The following FANCA variants were observed in gnomAD, a reference collection of about 807,000 sequenced individuals.
FANCA encodes the protein Fanconi anemia group A protein.
Under a neutral mutation model 194.3 loss-of-function variants are expected in FANCA, and 236 were observed. The observed-to-expected ratio is 1.21, with a 90% CI of 1.09 to 1.35. The LOEUF (loss-of-function observed/expected upper bound fraction) is 1.35, where lower values mean the gene tolerates loss of function less well. Among genes scored for constraint, FANCA ranks in the 40% most tolerant of loss-of-function variants. The pLI is 0.00. For missense variants in FANCA, 2,628 were observed against 1,813.9 expected, an observed-to-expected ratio of 1.45 and a Z score of -8.15; for synonymous variants, 1,014 against 715.8, an observed-to-expected ratio of 1.42 and a Z score of -6.65.
chr16:89,750,891 T>TTTG (rs140776520), intron 31 of FANCA, among the ~76,000 whole-genome samples: 36 of 151,954 alleles, frequency 2.4e-4, no homozygotes, highest in Non-Finnish European at 4.0e-4. Context: ...TCACAAGTCT[T>TTTG]TTGTTGTTGT....
At position 89,752,208 on chromosome 16, in the gene FANCA, T is replaced by C. The variant is rs2143164062; in HGVS notation, c.2996A>G (p.Asp999Gly). The C allele has an allele frequency of 6.2e-7, 1 of 1,613,744 alleles. No homozygotes were observed. Among genetic ancestry groups the C allele is most frequent in the Admixed American group, 1.7e-5 (1 of 60,012 alleles). Reference sequence around the variant, plus strand: ...GACCAAATCAGAATTTTCTGAGTGGTCATAACTCCTTGAGCTGAAATGAAA... The same window carrying C: ...GACCAAATCAGAATTTTCTGAGTGGCCATAACTCCTTGAGCTGAAATGAAA... ...MDFHQSSRSY[D>G]HSENSDLVFG... The change falls in exon 31 of 43, where the codon GAC (aspartate) becomes GGC (glycine). Residue 999 changes from aspartate (D) to glycine (G), a missense_variant. By Grantham distance (94) the Asp-to-Gly change is moderately conservative. Coordinates refer to ENST00000389301, the MANE Select transcript of FANCA (RefSeq NM_000135.4).
intron 27 of FANCA, 103 bp downstream of exon 27, chr16:89,767,038 G>T: frequency 1.1e-6 from 1 of 941,256 alleles, no homozygotes; most frequent in Non-Finnish European, 1.7e-6. Context: ...AGCTGCCCCT[G>T]AGATGGGCAC....
At chr16:89,777,329 C>T (rs2039543835) in intron 20 of FANCA, among the ~76,000 whole-genome samples, 1 of 152,134 alleles carries the variant, frequency 6.6e-6, no homozygotes, top group Non-Finnish European at 1.5e-5. Flanking sequence ...CTGTAGTAAG[C>T]CATGACTGCA....
At chr16:89,741,910 C>T (rs1567597304) in intron 37 of FANCA, among the ~76,000 whole-genome samples, 1 of 152,248 alleles carries the variant, frequency 6.6e-6, no homozygotes. Flanking sequence ...GCTGAAGAAA[C>T]GCACTTCAAG....
chr16:89,746,976 T>G (rs2143110525), intron 33 of FANCA, 86 bp from the exon 34 acceptor site: 2 of 1,300,190 alleles, frequency 1.5e-6, no homozygotes, highest in South Asian at 1.3e-5. Context: ...GGATTCAGTT[T>G]TGAGAAAAAC....
At position 89,753,599 on chromosome 16, in the gene FANCA, A is replaced by G. The variant is rs554111660; in HGVS notation, c.2982-1377T>C. On this transcript the variant is annotated intron_variant, in intron 30 of 42. Transcript: ENST00000389301. ...CCTTTTGTGATAAAAACACTCAATCAACCAGGAACAAAGGAAATCTTCTCA... is the reference window on the plus strand; with the variant it reads ...CCTTTTGTGATAAAAACACTCAATCGACCAGGAACAAAGGAAATCTTCTCA... Among the ~76,000 whole-genome samples the G allele has an allele frequency of 2.0e-5, 3 of 152,360 alleles. No homozygotes were observed. The East Asian group carries it at 5.8e-4, about 29-fold the overall frequency.
Position 89,737,903 on chromosome 16 carries a change from G to C in FANCA, c.*698C>G. 1.2e-6 allele frequency: 2 copies of C among 1,603,370 alleles called. No homozygotes were observed. Among genetic ancestry groups the C allele is most frequent in the Non-Finnish European group, 1.7e-6 (2 of 1,178,732 alleles). On this transcript the variant is annotated 3_prime_UTR_variant, in exon 43 of 43. Transcript: ENST00000389301. The stretch of plus-strand genomic sequence containing the variant: ...TGCGACATTCGGGAGCCAAGCCTTT[G>C]CAGTAAGTGTGAGTCAGGACCCCCT...
chr16:89,785,272 C>G (rs2039859770), intron 14 of FANCA, among the ~76,000 whole-genome samples: 1 of 152,226 alleles, frequency 6.6e-6, no homozygotes, highest in African/African-American at 2.4e-5. Context: ...CGAAGAAAAA[C>G]AGTTAAAAAT....
intron 21 of FANCA, among the ~76,000 whole-genome samples, chr16:89,773,867 G>A (rs992369243): frequency 2.6e-5 from 4 of 151,682 alleles, no homozygotes; most frequent in Admixed American, 2.6e-4. Context: ...CCGCCTCCCG[G>A]GTTCAAATCA....
intron 22 of FANCA, among the ~76,000 whole-genome samples, chr16:89,772,140 G>A (rs539872893): frequency 2.8e-4 from 43 of 152,312 alleles, no homozygotes; most frequent in Admixed American, 4.6e-4. Flanking sequence ...CTGCCTAAGC[G>A]CATGCCAGAG....
At chr16:89,740,746 G>T in intron 38 of FANCA, 58 bp downstream of exon 38, 1 of 1,477,222 alleles carries the variant, frequency 6.8e-7, no homozygotes, top group Non-Finnish European at 9.4e-7. Context: ...TGGCTGCCTG[G>T]TGCCCCTGCC....
intron 33 of FANCA, among the ~76,000 whole-genome samples, 160 bp from the exon 34 acceptor site, chr16:89,747,050 TG>T (rs1233915739): frequency 1.3e-5 from 2 of 152,228 alleles, no homozygotes; most frequent in Non-Finnish European, 2.9e-5. Flanking sequence ...CCTGGCGCCC[TG>T]GCTGTGCTGT....
chr16:89,815,665 G>T (rs1045432239), intron 2 of FANCA, among the ~76,000 whole-genome samples: 3 of 151,926 alleles, frequency 2.0e-5, no homozygotes, highest in Admixed American at 6.6e-5. Context: ...CTGTTTTTTT[G>T]TTGTTGTTGT....
chr16:89,739,431 T>A (rs1598052680), intron 40 of FANCA, 47 bp downstream of exon 40: 2 of 1,552,470 alleles, frequency 1.3e-6, no homozygotes, highest in Non-Finnish European at 1.7e-6. Flanking sequence ...GAGATGGGGG[T>A]CTGGGAAACA....
rs541786579 is a variant in FANCA, at chr16:89,751,972, G to T, written c.3066+166C>A. On this transcript the variant is annotated intron_variant, in intron 31 of 42. Transcript: ENST00000389301. ...TTTTTAGTAGAGACGGGGTCTCATC[G>T]TGTTAGCCAGCATGGTCTCGATCTC... is the stretch of plus-strand genomic sequence containing the variant. 2.0e-5 allele frequency among the ~76,000 whole-genome samples: 3 copies of T among 152,048 alleles called. No homozygotes were observed. The East Asian group carries it at 5.8e-4, about 29-fold the overall frequency.
chr16:89,765,575 C>A (rs2039099221), intron 27 of FANCA, among the ~76,000 whole-genome samples: 1 of 152,260 alleles, frequency 6.6e-6, no homozygotes, highest in African/African-American at 2.4e-5. Context: ...TGGTCCCGGG[C>A]AGTGAAACAG....
chr16:89,764,864 A>G (rs773930369), intron 28 of FANCA, 26 bp downstream of exon 28: 1 of 1,611,152 alleles, frequency 6.2e-7, no homozygotes, highest in Non-Finnish European at 8.5e-7. Context: ...ACGTGGCATG[A>G]TGCAGGAGAA....
chr16:89,748,254 G>T (rs1598073812), intron 33 of FANCA, among the ~76,000 whole-genome samples: 1 of 152,226 alleles, frequency 6.6e-6, no homozygotes, highest in Non-Finnish European at 1.5e-5. Context: ...GTCTAAAATG[G>T]AAGATAACTG....
chr16:89,744,707 T>G (rs1346034678), intron 36 of FANCA: 1 of 536,166 alleles, frequency 1.9e-6, no homozygotes, highest in East Asian at 3.3e-5. Flanking sequence ...CTTGCTCTAT[T>G]GGCCGTTGGA....
Sources: gnomAD v4.1 joint callset for allele counts (sites outside exome capture counted in the v4.1 genomes callset) on GRCh38, gnomAD v4.1.1 for gene constraint, MANE v1.5 for transcripts, NCBI Gene and HGNC (gene_info 2026-07-23, HGNC 2026-07-21) for gene names.